ANXA7: variants seen among roughly 807,000 people sequenced by gnomAD.
ANXA7 encodes annexin VII.
ANXA7 carries 55 observed loss-of-function variants against 64.9 expected under a neutral mutation model. The ratio of observed to expected loss-of-function variants is 0.85; its 90% CI spans 0.68 to 1.06. The LOEUF (loss-of-function observed/expected upper bound fraction) is 1.06, where lower values mean the gene tolerates loss of function less well. Among genes scored for constraint, ANXA7 ranks in the 50% least tolerant of loss-of-function variants. The pLI, the probability that ANXA7 is intolerant of heterozygous loss-of-function variation, is 0.00. For synonymous variants in ANXA7, 200 were observed against 192.4 expected (o/e 1.04, Z -0.33); for missense variants, 548 against 582.1 (o/e 0.94, Z 0.60).
chr10:73,398,415 T>A, intron 2 of ANXA7, 30 bp from the exon 3 acceptor site: 1 of 1,576,900 alleles, frequency 6.3e-7, no homozygotes, highest in Non-Finnish European at 8.7e-7. Flanking sequence ...TTTAAACAAA[T>A]ACGATCATAG....
intron 1 of ANXA7, among the ~76,000 whole-genome samples, chr10:73,407,215 T>A (rs2055771540): frequency 6.6e-6 from 1 of 152,148 alleles, no homozygotes; most frequent in South Asian, 2.1e-4. Flanking sequence ...TAGCTGAGAC[T>A]ACAGGTGCGC....
At chr10:73,390,279 TGAG>T (rs1400546293) in intron 5 of ANXA7, among the ~76,000 whole-genome samples, 4 of 152,208 alleles carry the variant, frequency 2.6e-5, no homozygotes, top group Non-Finnish European at 5.9e-5. Context: ...GCAAAGCAAC[TGAG>T]GAGATGAGAA....
chr10:73,408,402 A>G (rs77287261), intron 1 of ANXA7: 9 of 152,078 alleles, frequency 5.9e-5, no homozygotes, highest in Non-Finnish European at 1.3e-4. Flanking sequence ...GGAAAAAAAA[A>G]TCTGAAAATA....
intron 1 of ANXA7, among the ~76,000 whole-genome samples, chr10:73,412,895 G>A (rs1194282263): frequency 6.6e-6 from 1 of 151,230 alleles, no homozygotes; most frequent in African/African-American, 2.4e-5. Flanking sequence ...CAGTGAGTCA[G>A]TTAGTAAAAG....
intron 4 of ANXA7, 102 bp from the exon 5 acceptor site, chr10:73,396,685 C>T (rs2055581636): frequency 5.8e-6 from 4 of 685,762 alleles, no homozygotes; most frequent in Non-Finnish European, 9.7e-6. Flanking sequence ...CATACAAGAA[C>T]ATTCACACTA....
intron 12 of ANXA7, among the ~76,000 whole-genome samples, chr10:73,378,377 CAAA>C (rs755093944): frequency 1.7e-4 from 11 of 63,144 alleles, no homozygotes; most frequent in South Asian, 6.5e-4. Context: ...GACCATGTCT[CAAA>C]AAAAAAAAAA....
At position 73,383,433 on chromosome 10, in the gene ANXA7, G is replaced by C. The variant is rs1391058957; in HGVS notation, c.748-88C>G. 3.6e-6 allele frequency: 5 copies of C among 1,382,226 alleles called. No individual in the cohort carries two copies. The Admixed American group carries it at 1.2e-4, about 32-fold the overall frequency. 85.6% of individuals were successfully genotyped at this position (1,382,226 alleles called of 1,614,324 possible). ...TCGTCAAATATTTCTTTGTTCTGTA[G>C]AACTAAAAACTATATATTCAGATGG... is the stretch of plus-strand genomic sequence containing the variant. On this transcript the variant is annotated intron_variant, in intron 8 of 12. Transcript: ENST00000372921.
intron 5 of ANXA7, among the ~76,000 whole-genome samples, chr10:73,388,881 A>G (rs1271317348): frequency 6.6e-6 from 1 of 152,154 alleles, no homozygotes; most frequent in African/African-American, 2.4e-5. Context: ...TCCTATATGG[A>G]CCCTGATTAT....
chr10:73,387,851 T>A, intron 6 of ANXA7, 68 bp from the exon 7 acceptor site: 1 of 1,089,424 alleles, frequency 9.2e-7, no homozygotes, highest in Non-Finnish European at 1.3e-6. Context: ...GTCATCTTTT[T>A]TTTTTTTTTT....
At chr10:73,394,538 G>T (rs948667424) in intron 5 of ANXA7, among the ~76,000 whole-genome samples, 10 of 152,254 alleles carry the variant, frequency 6.6e-5, no homozygotes, top group Admixed American at 2.0e-4. Flanking sequence ...GCCATAAAAA[G>T]GATGAGTTCA....
chr10:73,402,021 G>A (rs2132691807), intron 1 of ANXA7, among the ~76,000 whole-genome samples: 1 of 152,148 alleles, frequency 6.6e-6, no homozygotes, highest in South Asian at 2.1e-4. Context: ...CAAATAGAAG[G>A]TAATATTAAA....
At chr10:73,388,190 T>C in intron 6 of ANXA7, 122 bp downstream of exon 6, 1 of 696,762 alleles carries the variant, frequency 1.4e-6, no homozygotes, top group East Asian at 2.8e-5. Flanking sequence ...AGACATCAGA[T>C]TAAATCCAGG....
At chr10:73,393,209 A>C (rs192267035) in intron 5 of ANXA7, among the ~76,000 whole-genome samples, 154 of 152,342 alleles carry the variant, frequency 1.0e-3, no homozygotes, top group Non-Finnish European at 1.4e-3. Context: ...AAAAGGACAC[A>C]AACAAATGGA....
chr10:73,392,852 G>C (rs2055508408), intron 5 of ANXA7, among the ~76,000 whole-genome samples: 1 of 152,070 alleles, frequency 6.6e-6, no homozygotes, highest in African/African-American at 2.4e-5. Context: ...TTCTGGCCAG[G>C]GCAATCAGGC....
At chr10:73,413,761 T>G (rs1256632681) in intron 1 of ANXA7, among the ~76,000 whole-genome samples, 2 of 151,468 alleles carry the variant, frequency 1.3e-5, no homozygotes, top group Admixed American at 1.3e-4. Context: ...GCGCCACTGG[T>G]CCCTGGGATT....
intron 1 of ANXA7, among the ~76,000 whole-genome samples, chr10:73,413,579 T>C (rs1436364896): frequency 6.6e-6 from 1 of 152,212 alleles, no homozygotes; most frequent in Non-Finnish European, 1.5e-5. Context: ...TACGGTTCAC[T>C]AAACACAGTA....
At chr10:73,411,766 A>T (rs1012709887) in intron 1 of ANXA7, among the ~76,000 whole-genome samples, 2 of 152,090 alleles carry the variant, frequency 1.3e-5, no homozygotes, top group African/African-American at 4.8e-5. Context: ...GGACAGGTGA[A>T]ACAGATTATG....
intron 5 of ANXA7, among the ~76,000 whole-genome samples, chr10:73,391,754 CA>C (rs2055486954): frequency 6.6e-6 from 1 of 152,162 alleles, no homozygotes; most frequent in Non-Finnish European, 1.5e-5. Flanking sequence ...TTGATACACA[CA>C]GACACATCCA....
At chr10:73,391,068 T>C (rs1016136053) in intron 5 of ANXA7, among the ~76,000 whole-genome samples, 8 of 151,208 alleles carry the variant, frequency 5.3e-5, no homozygotes, top group African/African-American at 9.8e-5. Flanking sequence ...CTCAGGAGGC[T>C]GAGGCAGGAG....
Sources: allele counts gnomAD v4.1 joint callset (sites outside exome capture counted in the v4.1 genomes callset), GRCh38; gene constraint gnomAD v4.1.1; transcripts MANE v1.5; gene names NCBI Gene and HGNC (gene_info 2026-07-23, HGNC 2026-07-21).